Variants in P2RY14 observed in about 807,000 individuals in gnomAD.
The protein encoded by P2RY14 is purinergic receptor P2Y14.
Under a neutral mutation model 0.9 loss-of-function variants are expected in P2RY14, and 2 were observed. The observed-to-expected ratio is 2.16, with a 90% CI of 0.88 to 6.79. The LOEUF (loss-of-function observed/expected upper bound fraction) is 6.79, where lower values mean the gene tolerates loss of function less well. P2RY14 is among the 30% of genes most tolerant of loss of function. The pLI is 0.05. For synonymous variants in P2RY14, 158 were observed against 147.2 expected, an observed-to-expected ratio of 1.07 and a Z score of -0.53; for missense variants, 378 against 400.1, an observed-to-expected ratio of 0.94 and a Z score of 0.47.
At chr3:151,215,657 G>A (rs1312862613) in intron 2 of P2RY14, among the ~76,000 whole-genome samples, 1 of 152,122 alleles carries the variant, frequency 6.6e-6, no homozygotes, top group African/African-American at 2.4e-5. Flanking sequence ...AAATTCAAAA[G>A]GTTATTTGAT....
At chr3:151,277,179 C>G (rs1742011139) in intron 1 of P2RY14, among the ~76,000 whole-genome samples, 1 of 151,158 alleles carries the variant, frequency 6.6e-6, no homozygotes, top group Admixed American at 6.6e-5. Context: ...GCTGGGATTA[C>G]AGGTGTGAGC....
intron 2 of P2RY14, among the ~76,000 whole-genome samples, chr3:151,216,401 A>G (rs1316478677): frequency 6.6e-6 from 1 of 152,228 alleles, no homozygotes; most frequent in Non-Finnish European, 1.5e-5. Flanking sequence ...TTTAAGCATG[A>G]CAAAGGGATA....
rs61576895 is a variant in P2RY14, at chr3:151,278,008, C to T, written c.-133+279G>A. Among the ~76,000 whole-genome samples the T allele has an allele frequency of 8.3e-3, 1,266 of 152,284 alleles. 19 individuals carry two copies. Among genetic ancestry groups the T allele is most frequent in the African/African-American group, 0.029 (1,190 of 41,556 alleles). On this transcript the variant is annotated intron_variant, in intron 1 of 2. Transcript: ENST00000309170. ...GGATGAATACCTTTTAAACATTTTC[C>T]TTGATATCTCTTCATCACAGATATA...
At chr3:151,253,279 T>G (rs569034429) in intron 1 of P2RY14, among the ~76,000 whole-genome samples, 1 of 152,308 alleles carries the variant, frequency 6.6e-6, no homozygotes, top group South Asian at 2.1e-4. Flanking sequence ...GCACGTATAC[T>G]GCACTCAAGT....
intron 1 of P2RY14, among the ~76,000 whole-genome samples, chr3:151,267,314 A>G (rs964956705): frequency 2.0e-5 from 3 of 152,242 alleles, no homozygotes; most frequent in Non-Finnish European, 4.4e-5. Flanking sequence ...AATGGTAGTC[A>G]TTGAAATACT....
At chr3:151,236,041 T>G (rs1181436640) in intron 1 of P2RY14, among the ~76,000 whole-genome samples, 2 of 152,192 alleles carry the variant, frequency 1.3e-5, no homozygotes, top group Non-Finnish European at 2.9e-5. Flanking sequence ...ATTTTTTAAC[T>G]TATTCTCCTC....
rs182893029 is a variant in P2RY14 at position 151,230,264 on chromosome 3, G to A, written c.-132-10622C>T. On this transcript the variant is annotated intron_variant, in intron 1 of 2. Transcript: ENST00000309170. Reference sequence around the variant, plus strand: ...GCTGGGATTACAGGCGTGAGCCACCGCACCCGGCCGGGATCTGTTCTTGAA... The same window carrying A: ...GCTGGGATTACAGGCGTGAGCCACCACACCCGGCCGGGATCTGTTCTTGAA... Among the ~76,000 whole-genome samples the A allele has an allele frequency of 1.3e-4, 20 of 152,294 alleles. 2 individuals carry two copies. The South Asian group carries it at 1.9e-3, about 14-fold the overall frequency.
At chr3:151,257,133 A>C (rs547219967) in intron 1 of P2RY14, among the ~76,000 whole-genome samples, 1 of 152,144 alleles carries the variant, frequency 6.6e-6, no homozygotes, top group Non-Finnish European at 1.5e-5. Context: ...TGAGCTGTTA[A>C]GTTTTCTAGA....
intron 2 of P2RY14, among the ~76,000 whole-genome samples, chr3:151,214,873 G>A (rs1023473804): frequency 5.9e-5 from 9 of 152,090 alleles, no homozygotes; most frequent in African/African-American, 2.2e-4. Flanking sequence ...CATGTGTAAT[G>A]TATTTTTTTA....
chr3:151,262,524 C>G (rs1203886255), intron 1 of P2RY14, among the ~76,000 whole-genome samples: 1 of 152,126 alleles, frequency 6.6e-6, no homozygotes, highest in Non-Finnish European at 1.5e-5. Flanking sequence ...TTTGGAGGTC[C>G]CTGTGCCAGC....
chr3:151,275,806 G>A (rs1457752074), intron 1 of P2RY14, among the ~76,000 whole-genome samples: 1 of 152,114 alleles, frequency 6.6e-6, no homozygotes, highest in Non-Finnish European at 1.5e-5. Flanking sequence ...TTGGTTGTAG[G>A]TATTTTTTCT....
At chr3:151,245,388 G>A (rs1436376222) in intron 1 of P2RY14, among the ~76,000 whole-genome samples, 1 of 150,662 alleles carries the variant, frequency 6.6e-6, no homozygotes, top group South Asian at 2.1e-4. Context: ...CTGGCAAACT[G>A]AATCCAGCAG....
At chr3:151,226,426 T>G (rs931066793) in intron 1 of P2RY14, among the ~76,000 whole-genome samples, 2 of 152,142 alleles carry the variant, frequency 1.3e-5, no homozygotes, top group South Asian at 2.1e-4. Context: ...TTAAAATGGT[T>G]AAGTGATTCA....
rs184080515 is a variant in P2RY14 at position 151,212,119 on chromosome 3, G to A, written c.*1181C>T. ...GTTGATTATTAAGAAAAAATAGACA[G>A]TATTAAAACATTTCTTTATTAGTAT... On this transcript the variant is annotated 3_prime_UTR_variant, in exon 3 of 3. Transcript: ENST00000309170. 1.3e-4 allele frequency: 20 copies of A among 152,266 alleles called. 1 individual carries two copies. The highest frequency in any genetic ancestry group is 1.2e-3 in the Admixed American group (18 of 15,304). The allele number at this position is 152,266 out of a possible 1,614,324, so 9.4% of individuals were successfully genotyped here. A position where few individuals can be genotyped will look rare whatever the true frequency, so the allele number is the denominator to read the frequency against.
At chr3:151,236,005 T>G (rs1371571861) in intron 1 of P2RY14, among the ~76,000 whole-genome samples, 3 of 152,168 alleles carry the variant, frequency 2.0e-5, no homozygotes, top group Non-Finnish European at 4.4e-5. Context: ...TGGCAAAAAC[T>G]GCAATTACTT....
intron 1 of P2RY14, among the ~76,000 whole-genome samples, chr3:151,236,124 G>A (rs1382555042): frequency 1.3e-5 from 2 of 152,006 alleles, no homozygotes; most frequent in East Asian, 1.9e-4. Context: ...TCTTGTTAAC[G>A]GCAAAATTAG....
intron 1 of P2RY14, among the ~76,000 whole-genome samples, chr3:151,240,625 C>CTTATCTCCT (rs1667953098): frequency 6.6e-6 from 1 of 152,156 alleles, no homozygotes; most frequent in African/African-American, 2.4e-5. Context: ...TAAGCATCTC[C>CTTATCTCCT]TTTATCTACC....
intron 1 of P2RY14, among the ~76,000 whole-genome samples, chr3:151,238,522 C>A (rs1403146423): frequency 6.6e-6 from 1 of 152,160 alleles, no homozygotes; most frequent in Non-Finnish European, 1.5e-5. Context: ...ACTATGAAAT[C>A]AAATCCATCT....
chr3:151,238,213 C>G (rs948885077), intron 1 of P2RY14, among the ~76,000 whole-genome samples: 5 of 152,110 alleles, frequency 3.3e-5, no homozygotes, highest in African/African-American at 4.8e-5. Context: ...GTGGCACTAT[C>G]TTGGCTCACT....
Sources: allele counts gnomAD v4.1 joint callset (sites outside exome capture counted in the v4.1 genomes callset), GRCh38; gene constraint gnomAD v4.1.1; transcripts MANE v1.5; gene names NCBI Gene and HGNC (gene_info 2026-07-23, HGNC 2026-07-21).